HSPG2: variants seen among roughly 807,000 people sequenced by gnomAD.
HSPG2 encodes heparan sulfate proteoglycan 2.
A neutral mutation model predicts 526.6 loss-of-function variants in HSPG2; 278 were observed. That is an observed-to-expected ratio of 0.53 (90% CI 0.48 to 0.58). The LOEUF (loss-of-function observed/expected upper bound fraction) is 0.58, where lower values mean the gene tolerates loss of function less well. Among genes scored for constraint, HSPG2 ranks in the 20% least tolerant of loss-of-function variants. HSPG2 has a pLI of 0.00. For synonymous variants in HSPG2, 2,465 were observed against 2,555.4 expected, an observed-to-expected ratio of 0.96 and a Z score of 1.07; for missense variants, 5,354 against 6,099.5, an observed-to-expected ratio of 0.88 and a Z score of 4.07.
At position 21,847,837 on chromosome 1, in the gene HSPG2, G is replaced by A. The variant is rs1572211610; in HGVS notation, c.7877C>T (p.Pro2626Leu). The change falls in exon 61 of 97, where the codon CCC (proline) becomes CTC (leucine). Residue 2626 changes from proline (P) to leucine (L), a missense_variant. By Grantham distance (98) the Pro-to-Leu change is moderately conservative. Transcript: ENST00000374695. This position sits in a 1 kb window ranked among gnomAD's most constrained non-coding sequence, Gnocchi z 4.1. ...GATCCTGATCGGTGGGGAGACGCTG[G>A]GCACTGGGGACAGACGGGTGTGGAC... is the stretch of plus-strand genomic sequence containing the variant. Reference protein sequence around the residue: ...TIQGSGSSHVPSVSPPIRIES... With the variant: ...TIQGSGSSHVLSVSPPIRIES... The A allele has an allele frequency of 6.2e-7, 1 of 1,613,910 alleles. No homozygotes were observed. Among genetic ancestry groups the A allele is most frequent in the Non-Finnish European group, 8.5e-7 (1 of 1,180,020 alleles).
intron 30 of HSPG2, 90 bp from the exon 31 acceptor site, chr1:21,873,181 C>T: frequency 8.0e-7 from 1 of 1,244,576 alleles, no homozygotes. Flanking sequence ...AGCGGGAGCT[C>T]TGATTTCTGA....
chr1:21,842,350 C>T lies in HSPG2; in HGVS notation c.8941G>A (p.Val2981Ile), dbSNP rs2229490. The T allele has an allele frequency of 1.9e-4, 310 of 1,609,930 alleles. No individual in the cohort carries two copies. In the African/African-American group the frequency reaches 3.5e-3, roughly 18 times the overall value. The change falls in exon 68 of 97, where the codon GTC (valine) becomes ATC (isoleucine). Residue 2981 changes from valine to isoleucine, a missense_variant. Transcript: ENST00000374695. ...TACTCGCCTGAGTCGGCAGGGGAGA[C>T]GAGGTGGAGCCGCAGCTGGGAGCCA... is the stretch of plus-strand genomic sequence containing the variant. ...THGSQLRLHL[V>I]SPADSGEYVC...
chr1:21,827,842 G>A, intron 91 of HSPG2, 21 bp downstream of exon 91: 6 of 1,570,388 alleles, frequency 3.8e-6, no homozygotes, highest in Non-Finnish European at 5.2e-6. Flanking sequence ...AGCTGGGGAG[G>A]AGGCCATGGC....
chr1:21,859,575 GC>G lies in HSPG2; in HGVS notation c.5283del (p.Leu1762TrpfsTer12), dbSNP rs1208253404. 1 of 1,596,508 alleles carries G rather than the reference GC, an allele frequency of 6.3e-7. No homozygotes were observed. The highest frequency in any genetic ancestry group is 1.1e-5 in the South Asian group (1 of 87,996). ...GGGCGTAGGGACTCACCAGTGACCAGCAGCTCTGCCCGGCTGGTATTGGATT... is the reference window on the plus strand; with the variant it reads ...GGGCGTAGGGACTCACCAGTGACCAGAGCTCTGCCCGGCTGGTATTGGATT... ...LHQSNTSRAE[L>X]LVTEAPSKPI... On this transcript the variant is annotated frameshift_variant, in exon 42 of 97. Coordinates refer to ENST00000374695, the MANE Select transcript of HSPG2 (RefSeq NM_005529.7). LOFTEE classifies it high-confidence loss of function. This position sits in a 1 kb window ranked among gnomAD's most constrained non-coding sequence, Gnocchi z 5.3.
chr1:21,823,396 G>T lies in HSPG2; in HGVS notation c.13096C>A (p.Pro4366Thr). 1 of 1,564,236 alleles carries T rather than the reference G, an allele frequency of 6.4e-7. No individual in the cohort carries two copies. Among genetic ancestry groups the T allele is most frequent in the African/African-American group, 1.3e-5 (1 of 74,168 alleles). ...VKNLVLHSAR[P>T]GAPPPQPLDL... Reference sequence around the variant, plus strand: ...AGGGGCTGTGGGGGCGGGGCGCCGGGTCGGGCCGAGTGCAGCACCAGGTTC... The same window carrying T: ...AGGGGCTGTGGGGGCGGGGCGCCGGTTCGGGCCGAGTGCAGCACCAGGTTC... The change falls in exon 97 of 97, where the codon CCC becomes ACC. Residue 4366 changes from proline to threonine, a missense_variant. Physicochemically the swap from Pro to Thr is conservative, Grantham distance 38 (BLOSUM62 -1). Transcript: ENST00000374695.
Position 21,874,608 on chromosome 1 carries a change from G to A in HSPG2, c.3528+8C>T, listed in dbSNP as rs778729915. 4.3e-6 allele frequency: 7 copies of A among 1,613,894 alleles called. No homozygotes were observed. Among genetic ancestry groups the A allele is most frequent in the South Asian group, 1.1e-5 (1 of 91,040 alleles). On this transcript the variant is annotated splice_region_variant and intron_variant, in intron 27 of 96. Coordinates refer to ENST00000374695, the MANE Select transcript of HSPG2 (RefSeq NM_005529.7). ...TGCTGGGGTGGGCGGAAGGAGGGCGGGACTTACCTGGCAGGCACCTGTTTC... is the reference window on the plus strand; with the variant it reads ...TGCTGGGGTGGGCGGAAGGAGGGCGAGACTTACCTGGCAGGCACCTGTTTC...
Position 21,865,470 on chromosome 1 carries a change from C to G in HSPG2, c.4315-105G>C, listed in dbSNP as rs938016201. On this transcript the variant is annotated intron_variant, in intron 34 of 96. Coordinates refer to ENST00000374695, the MANE Select transcript of HSPG2 (RefSeq NM_005529.7). The surrounding 1 kb of genome is among the most constrained non-coding windows in gnomAD (Gnocchi z 5.4). ...CTCTGTAACCCCCAGCCTCCCACCTCTCTGCTCTCCCAAGCTCATGCGCCC... is the reference window on the plus strand; with the variant it reads ...CTCTGTAACCCCCAGCCTCCCACCTGTCTGCTCTCCCAAGCTCATGCGCCC... 1.8e-6 allele frequency: 2 copies of G among 1,115,304 alleles called. No individual in the cohort carries two copies. Among genetic ancestry groups the G allele is most frequent in the African/African-American group, 3.1e-5 (2 of 65,140 alleles). 69.1% of individuals were successfully genotyped at this position (1,115,304 alleles called of 1,614,324 possible). A position where few individuals can be genotyped will look rare whatever the true frequency, so the allele number is the denominator to read the frequency against.
At position 21,835,653 on chromosome 1, in the gene HSPG2, AATAAGACATCAGG is replaced by A. The variant is rs1337344405; in HGVS notation, c.10356-29_10356-17del. On this transcript the variant is annotated splice_polypyrimidine_tract_variant and intron_variant, in intron 75 of 96. Coordinates refer to ENST00000374695, the MANE Select transcript of HSPG2 (RefSeq NM_005529.7). ...GTTCTGGATTCTATAAAGAAAAAAT[AATAAGACATCAGG>A]GAGTTGAAAACAACTGATAGAATGC... is the stretch of plus-strand genomic sequence containing the variant. 6.3e-7 allele frequency: 1 copy of A among 1,587,510 alleles called. No individual in the cohort carries two copies. The highest frequency in any genetic ancestry group is 8.6e-7 in the Non-Finnish European group (1 of 1,156,076).
chr1:21,935,900 GGGA>G (rs893244898), intron 1 of HSPG2, among the ~76,000 whole-genome samples: 6 of 152,114 alleles, frequency 3.9e-5, no homozygotes, highest in Non-Finnish European at 7.4e-5. Context: ...GTGGGGATGG[GGGA>G]GGAGAAGTGC....
chr1:21,847,663 C>T lies in HSPG2; in HGVS notation c.8025+26G>A, dbSNP rs1436580609. 6.2e-7 allele frequency: 1 copy of T among 1,601,584 alleles called. No homozygotes were observed. The highest frequency in any genetic ancestry group is 8.5e-7 in the Non-Finnish European group (1 of 1,174,286). The stretch of plus-strand genomic sequence containing the variant: ...CACCCCAGGAGACCATGGTTCCACC[C>T]CCGCTGCTGTGGCTCCACTCTGTAC... On this transcript the variant is annotated intron_variant, in intron 61 of 96. Coordinates refer to ENST00000374695, the MANE Select transcript of HSPG2 (RefSeq NM_005529.7). The surrounding 1 kb of genome is among the most constrained non-coding windows in gnomAD (Gnocchi z 4.1).
chr1:21,833,157 G>C, intron 80 of HSPG2, 111 bp downstream of exon 80: 1 of 902,756 alleles, frequency 1.1e-6, no homozygotes, highest in Non-Finnish European at 1.8e-6. Context: ...GGAGGGCTGA[G>C]GGATTGGGGC....
chr1:21,863,060 C>CAAAAACAAAAAAAAAAAAA (rs1423127350), intron 37 of HSPG2, among the ~76,000 whole-genome samples: 2 of 31,234 alleles, frequency 6.4e-5, no homozygotes, highest in African/African-American at 1.5e-4. Context: ...GACTCCATCT[C>CAAAAACAAAAAAAAAAAAA]AAAAAAAAAA....
intron 69 of HSPG2, 103 bp from the exon 70 acceptor site, chr1:21,841,776 G>T: frequency 6.8e-7 from 1 of 1,474,270 alleles, no homozygotes; most frequent in East Asian, 2.3e-5. Flanking sequence ...CAATCCCTCC[G>T]GCCTGGGTGT....
chr1:21,908,755 A>G (rs1246961818), intron 1 of HSPG2, among the ~76,000 whole-genome samples: 1 of 152,170 alleles, frequency 6.6e-6, no homozygotes, highest in Non-Finnish European at 1.5e-5. Context: ...GAGCACTGAC[A>G]CTCTAAAACA....
chr1:21,865,298 ATC>A lies in HSPG2; in HGVS notation c.4380_4381del (p.Glu1460AspfsTer30). The A allele has an allele frequency of 6.2e-7, 1 of 1,613,860 alleles. No homozygotes were observed. Among genetic ancestry groups the A allele is most frequent in the Non-Finnish European group, 8.5e-7 (1 of 1,179,926 alleles). On this transcript the variant is annotated frameshift_variant, in exon 35 of 97. Coordinates refer to ENST00000374695, the MANE Select transcript of HSPG2 (RefSeq NM_005529.7). LOFTEE classifies it high-confidence loss of function. This position sits in a 1 kb window ranked among gnomAD's most constrained non-coding sequence, Gnocchi z 5.4. ...GGTGCCCCTTACCTCTCGGAACATG[ATC>A]TCGTAGCTCCTCCTCTCAGGGCCCT...
chr1:21,882,015 A>G (rs551185106), intron 13 of HSPG2, among the ~76,000 whole-genome samples: 1 of 152,022 alleles, frequency 6.6e-6, no homozygotes, highest in South Asian at 2.1e-4. Context: ...CAAATACTGG[A>G]GCAGCATTTC....
At chr1:21,829,330 G>A in intron 87 of HSPG2, 53 bp downstream of exon 87, 6 of 1,569,892 alleles carry the variant, frequency 3.8e-6, no homozygotes, top group South Asian at 1.1e-5. Flanking sequence ...GAAGAGCCGA[G>A]GGGGGCACAA....
rs2098012604 is a variant in HSPG2, at chr1:21,833,295, T to C, written c.11068A>G (p.Ile3690Val). Residue 3690 changes from isoleucine to valine, a missense_variant, in exon 80 of 97, where the codon ATC (isoleucine) becomes GTC (valine). Physicochemically the swap from Ile to Val is conservative, Grantham distance 29. Coordinates refer to ENST00000374695, the MANE Select transcript of HSPG2 (RefSeq NM_005529.7). The part of the protein sequence containing the change: ...KDAYRKFEIK[I>V]TFRPDSADGM... ...TCGGCTGAGTCGGGCCGGAAGGTGA[T>C]CTTGATCTCGAACTTCCTGTAGGCA... 1.2e-6 allele frequency: 2 copies of C among 1,613,980 alleles called. No homozygotes were observed. Among genetic ancestry groups the C allele is most frequent in the Non-Finnish European group, 1.7e-6 (2 of 1,179,964 alleles).
intron 1 of HSPG2, among the ~76,000 whole-genome samples, chr1:21,915,912 G>A (rs1190323488): frequency 2.6e-5 from 4 of 151,766 alleles, no homozygotes; most frequent in Non-Finnish European, 4.4e-5. Context: ...TTAGCTGGGC[G>A]TGGTGGTGTG....
Sources: allele counts gnomAD v4.1 joint callset (sites outside exome capture counted in the v4.1 genomes callset), GRCh38; gene constraint gnomAD v4.1.1; non-coding constraint Gnocchi (gnomAD v3.1); transcripts MANE v1.5; gene names NCBI Gene and HGNC (gene_info 2026-07-23, HGNC 2026-07-21).